GABRA4: variants seen among roughly 807,000 people sequenced by gnomAD.
The protein encoded by GABRA4 is gamma-aminobutyric acid type A receptor subunit alpha4.
GABRA4 carries 12 observed loss-of-function variants against 49.7 expected under a neutral mutation model. The ratio of observed to expected loss-of-function variants is 0.24; its 90% CI spans 0.15 to 0.39. GABRA4 has a LOEUF of 0.39. GABRA4 is among the 10% of genes least tolerant of loss of function. GABRA4 has a pLI of 1.00. For synonymous variants in GABRA4, 288 were observed against 240.2 expected (o/e 1.20, Z -1.84); for missense variants, 506 against 686.0 (o/e 0.74, Z 2.93).
intron 8 of GABRA4, among the ~76,000 whole-genome samples, chr4:46,941,813 T>A (rs1254277322): frequency 1.3e-5 from 2 of 152,118 alleles, no homozygotes; most frequent in Non-Finnish European, 2.9e-5. Context: ...TGCCCAGATC[T>A]GCCAATTGTA....
chr4:46,969,958 T>C (rs1722891431), intron 7 of GABRA4, among the ~76,000 whole-genome samples: 1 of 151,278 alleles, frequency 6.6e-6, no homozygotes, highest in African/African-American at 2.4e-5. Flanking sequence ...CCTCCACCAT[T>C]GCCCCCCCAT....
At chr4:46,981,028 T>C (rs767718187) in intron 2 of GABRA4, among the ~76,000 whole-genome samples, 5 of 152,112 alleles carry the variant, frequency 3.3e-5, no homozygotes, top group Non-Finnish European at 7.4e-5. Flanking sequence ...GGTTCTGATA[T>C]GTCTGTTAAA....
intron 8 of GABRA4, among the ~76,000 whole-genome samples, chr4:46,945,686 A>G (rs1044490501): frequency 2.0e-5 from 3 of 152,142 alleles, no homozygotes; most frequent in Non-Finnish European, 4.4e-5. Flanking sequence ...CTATAGGAGG[A>G]AAATTCAGGA....
rs1044233840 is a variant in GABRA4, at chr4:46,928,720, T to C, written c.1170A>G (p.Thr390=). The C allele has an allele frequency of 5.6e-6, 9 of 1,612,134 alleles. No homozygotes were observed. Among genetic ancestry groups the C allele is most frequent in the Admixed American group, 1.7e-5 (1 of 59,818 alleles). Residue 390 remains threonine, a synonymous_variant, in exon 9 of 9, where the codon ACA becomes ACG. Coordinates refer to ENST00000264318, the MANE Select transcript of GABRA4 (RefSeq NM_000809.4). The stretch of plus-strand genomic sequence containing the variant: ...CAGATTCAGAGTGAACCAAAGCATT[T>C]GTTCTTTTTCTCATGTTCAAATTGG... ...TNANLNMRKR[T]NALVHSESDV...
At chr4:46,981,873 G>A (rs1484066002) in intron 2 of GABRA4, among the ~76,000 whole-genome samples, 2 of 152,040 alleles carry the variant, frequency 1.3e-5, no homozygotes, top group Non-Finnish European at 2.9e-5. Context: ...AAGAGATCAG[G>A]AAATTGGATT....
At chr4:46,944,412 C>A (rs372960014) in intron 8 of GABRA4, among the ~76,000 whole-genome samples, 6 of 152,096 alleles carry the variant, frequency 3.9e-5, no homozygotes, top group African/African-American at 1.4e-4. Context: ...GTGGTAAACC[C>A]GCTCATTAAT....
intron 2 of GABRA4, among the ~76,000 whole-genome samples, chr4:46,991,076 C>T (rs954568294): frequency 7.2e-5 from 11 of 152,102 alleles, no homozygotes; most frequent in African/African-American, 2.7e-4. Context: ...ATCCCAGCTA[C>T]TCTGGGGGCT....
intron 8 of GABRA4, among the ~76,000 whole-genome samples, chr4:46,961,642 G>A (rs1211132449): frequency 6.6e-6 from 1 of 151,872 alleles, no homozygotes; most frequent in East Asian, 1.9e-4. Flanking sequence ...TATCTATAGA[G>A]AAATAAAGTT....
chr4:46,965,995 T>C (rs1027476516), intron 7 of GABRA4, among the ~76,000 whole-genome samples: 1 of 151,732 alleles, frequency 6.6e-6, no homozygotes, highest in African/African-American at 2.4e-5. Flanking sequence ...CCTCCATCAA[T>C]AGGCTTCTGA....
At chr4:46,940,862 C>T (rs780626256) in intron 8 of GABRA4, among the ~76,000 whole-genome samples, 3 of 152,072 alleles carry the variant, frequency 2.0e-5, no homozygotes, top group Admixed American at 6.6e-5. Flanking sequence ...AAACATTCAA[C>T]GTTTAACAAG....
At chr4:46,967,200 T>G (rs1396277996) in intron 7 of GABRA4, among the ~76,000 whole-genome samples, 5 of 151,604 alleles carry the variant, frequency 3.3e-5, no homozygotes, top group Non-Finnish European at 7.4e-5. Flanking sequence ...ATAGAAACAA[T>G]GCTAAAAGCA....
intron 8 of GABRA4, among the ~76,000 whole-genome samples, chr4:46,955,156 G>A (rs1210554621): frequency 6.6e-6 from 1 of 151,912 alleles, no homozygotes; most frequent in Non-Finnish European, 1.5e-5. Flanking sequence ...GAAAATAAAT[G>A]AACAAATATA....
Position 46,939,919 on chromosome 4 carries a change from A to G in GABRA4, c.1135-11164T>C, listed in dbSNP as rs186763834. ...CTGTCATGAAGTGCTTATAGATAATACTTTGTATCACAAATATCCTCTACA... is the reference window on the plus strand; with the variant it reads ...CTGTCATGAAGTGCTTATAGATAATGCTTTGTATCACAAATATCCTCTACA... On this transcript the variant is annotated intron_variant, in intron 8 of 8. Coordinates refer to ENST00000264318, the MANE Select transcript of GABRA4 (RefSeq NM_000809.4). Among the ~76,000 whole-genome samples, 5 of 152,126 alleles carry G rather than the reference A, an allele frequency of 3.3e-5. No homozygotes were observed. The East Asian group carries it at 9.7e-4, about 29-fold the overall frequency.
intron 8 of GABRA4, among the ~76,000 whole-genome samples, chr4:46,941,238 A>G (rs949402356): frequency 2.0e-5 from 3 of 152,050 alleles, no homozygotes; most frequent in African/African-American, 7.2e-5. Flanking sequence ...ACTATGAACT[A>G]TCATTATCAT....
intron 8 of GABRA4, among the ~76,000 whole-genome samples, chr4:46,961,959 A>G (rs1722591379): frequency 6.6e-6 from 1 of 151,876 alleles, no homozygotes; most frequent in Non-Finnish European, 1.5e-5. Context: ...ATACTTTTTA[A>G]TTGTTTGTTT....
chr4:46,938,408 C>T (rs1336024464), intron 8 of GABRA4, among the ~76,000 whole-genome samples: 1 of 152,142 alleles, frequency 6.6e-6, no homozygotes, highest in African/African-American at 2.4e-5. Flanking sequence ...ATTTCATCTA[C>T]ATCAGCAAAG....
At chr4:46,947,577 A>AAGG (rs1722024610) in intron 8 of GABRA4, among the ~76,000 whole-genome samples, 1 of 151,882 alleles carries the variant, frequency 6.6e-6, no homozygotes, top group Non-Finnish European at 1.5e-5. Flanking sequence ...AAGGCGCAAA[A>AAGG]AAGGAAGGAA....
chr4:46,934,158 T>G (rs553404689), intron 8 of GABRA4, among the ~76,000 whole-genome samples: 1 of 152,210 alleles, frequency 6.6e-6, no homozygotes, highest in South Asian at 2.1e-4. Context: ...CCTTGTAAAT[T>G]AAAAACTAAC....
chr4:46,955,000 T>G (rs1415592246), intron 8 of GABRA4, among the ~76,000 whole-genome samples: 1 of 152,130 alleles, frequency 6.6e-6, no homozygotes, highest in Non-Finnish European at 1.5e-5. Flanking sequence ...AGATAATTCA[T>G]GTAAAGCAAC....
Sources: allele counts gnomAD v4.1 joint callset (sites outside exome capture counted in the v4.1 genomes callset), GRCh38; gene constraint gnomAD v4.1.1; transcripts MANE v1.5; gene names NCBI Gene and HGNC (gene_info 2026-07-23, HGNC 2026-07-21).